Variants in UNC5D observed in about 807,000 individuals in gnomAD.
UNC5D encodes the protein unc-5 netrin receptor D.
UNC5D carries 39 observed loss-of-function variants against 105.4 expected under a neutral mutation model. That is an observed-to-expected ratio of 0.37 (90% CI 0.29 to 0.48). The LOEUF is 0.48. Among genes scored for constraint, UNC5D ranks in the 20% least tolerant of loss-of-function variants. The probability of loss-of-function intolerance (pLI) is 0.98; values close to 1 mark genes in which losing one functional copy is unlikely to be tolerated. For missense variants in UNC5D, 991 were observed against 1,202.4 expected (o/e 0.82, Z 2.60); for synonymous variants, 452 against 450.4 (o/e 1.00, Z -0.04).
rs62651827 is a variant in UNC5D, at chr8:35,248,330, A to G, written c.103+12443A>G. On this transcript the variant is annotated intron_variant, in intron 1 of 16. Coordinates refer to ENST00000404895, the MANE Select transcript of UNC5D (RefSeq NM_080872.4). ...TAATATATAAATATATGTTATATAA[A>G]ATATATAATATATAAATATATGTTA... is the stretch of plus-strand genomic sequence containing the variant. Among the ~76,000 whole-genome samples the G allele has an allele frequency of 4.7e-3, 206 of 44,010 alleles. 55 individuals carry two copies. Among genetic ancestry groups the G allele is most frequent in the Middle Eastern group, 0.1 (2 of 20 alleles). The allele number at this position is 44,010 out of a possible 152,430, so 28.9% of individuals were successfully genotyped here. A position where few individuals can be genotyped will look rare whatever the true frequency, so the allele number is the denominator to read the frequency against.
intron 15 of UNC5D, among the ~76,000 whole-genome samples, chr8:35,772,726 G>T (rs1268164872): frequency 1.3e-5 from 2 of 151,556 alleles, no homozygotes; most frequent in Admixed American, 6.6e-5. Context: ...AGCATAAAAT[G>T]ACATTGATTT....
At chr8:35,692,463 G>C (rs1826473152) in intron 7 of UNC5D, among the ~76,000 whole-genome samples, 1 of 152,194 alleles carries the variant, frequency 6.6e-6, no homozygotes, top group Non-Finnish European at 1.5e-5. Context: ...CCTGGAGATA[G>C]CTCTACACAT....
At chr8:35,327,082 A>G (rs1390517387) in intron 1 of UNC5D, among the ~76,000 whole-genome samples, 7 of 152,186 alleles carry the variant, frequency 4.6e-5, no homozygotes, top group Non-Finnish European at 7.3e-5. Flanking sequence ...TATGAAATGC[A>G]AAGCACCGAG....
At chr8:35,734,497 G>T (rs913151652) in intron 11 of UNC5D, among the ~76,000 whole-genome samples, 6 of 151,944 alleles carry the variant, frequency 3.9e-5, no homozygotes, top group African/African-American at 1.5e-4. Flanking sequence ...TGCAACCTCC[G>T]CCTTCTGGGT....
intron 9 of UNC5D, 142 bp downstream of exon 9, chr8:35,722,537 G>T: frequency 9.1e-7 from 1 of 1,094,814 alleles, no homozygotes; most frequent in Non-Finnish European, 1.3e-6. Flanking sequence ...CACATGAACA[G>T]ACCGGGCTGG....
rs930057370 is a variant in UNC5D at position 35,512,567 on chromosome 8, A to T, written c.104-36725A>T. On this transcript the variant is annotated intron_variant, in intron 1 of 16. Coordinates refer to ENST00000404895, the MANE Select transcript of UNC5D (RefSeq NM_080872.4). ...TATATATATATATATATATATATAT[A>T]TATCTGAATAGATTACTAAATGGAG... Among the ~76,000 whole-genome samples, 27 of 93,174 alleles carry T rather than the reference A, an allele frequency of 2.9e-4. 4 individuals carry two copies. The highest frequency in any genetic ancestry group is 1.3e-3 in the African/African-American group (27 of 20,200). The allele number at this position is 93,174 out of a possible 152,430, so 61.1% of individuals were successfully genotyped here.
At chr8:35,416,793 A>C (rs1287240305) in intron 1 of UNC5D, among the ~76,000 whole-genome samples, 9 of 152,194 alleles carry the variant, frequency 5.9e-5, no homozygotes, top group Non-Finnish European at 1.5e-5. Context: ...CTTAATCTGA[A>C]AGGAAGCCAG....
intron 1 of UNC5D, among the ~76,000 whole-genome samples, chr8:35,247,066 A>G (rs1803151704): frequency 6.6e-6 from 1 of 152,158 alleles, no homozygotes; most frequent in Non-Finnish European, 1.5e-5. Flanking sequence ...GTCCCTGCCC[A>G]TGAATCCAGG....
intron 11 of UNC5D, among the ~76,000 whole-genome samples, chr8:35,737,249 GCTCTGTGTGTGTGTGT>G (rs1563720806): frequency 7.9e-6 from 1 of 126,888 alleles, no homozygotes; most frequent in Non-Finnish European, 1.7e-5. Flanking sequence ...GGCAAGATCT[GCTCTGTGTGTGTGTGT>G]GTGTGTGTGT....
chr8:35,595,443 GTGTGTGTGTGTC>G, intron 3 of UNC5D, 99 bp from the exon 4 acceptor site: 1 of 747,056 alleles, frequency 1.3e-6, no homozygotes, highest in Non-Finnish European at 2.3e-6. Context: ...ACTTATTTTT[GTGTGTGTGTGTC>G]TAGGTTGTGA....
rs79794041 is a variant in UNC5D at position 35,614,597 on chromosome 8, T to C, written c.570+18940T>C. ...AAAGTGAGTTTTACTAGTTAAACGC[T>C]AGTAATTAAGGACCAGTAAATGACT... is the stretch of plus-strand genomic sequence containing the variant. On this transcript the variant is annotated intron_variant, in intron 4 of 16. Coordinates refer to ENST00000404895, the MANE Select transcript of UNC5D (RefSeq NM_080872.4). Among the ~76,000 whole-genome samples, 5 of 152,164 alleles carry C rather than the reference T, an allele frequency of 3.3e-5. No individual in the cohort carries two copies. The South Asian group carries it at 1.0e-3, about 32-fold the overall frequency.
chr8:35,488,086 G>A (rs1377108786), intron 1 of UNC5D, among the ~76,000 whole-genome samples: 1 of 152,164 alleles, frequency 6.6e-6, no homozygotes, highest in Non-Finnish European at 1.5e-5. Flanking sequence ...ATGAAGATTT[G>A]GAAAATTCTC....
chr8:35,758,117 A>T (rs750656277), intron 13 of UNC5D, among the ~76,000 whole-genome samples: 1 of 152,184 alleles, frequency 6.6e-6, no homozygotes, highest in Non-Finnish European at 1.5e-5. Context: ...AACACCAAAG[A>T]GCTGGAGAAA....
intron 1 of UNC5D, among the ~76,000 whole-genome samples, chr8:35,502,249 T>TA (rs1226830372): frequency 3.3e-5 from 5 of 152,152 alleles, no homozygotes; most frequent in Admixed American, 1.3e-4. Flanking sequence ...AACAGTCCAA[T>TA]GGTGGGTGAA....
intron 3 of UNC5D, among the ~76,000 whole-genome samples, chr8:35,569,116 A>G (rs1324602597): frequency 1.3e-5 from 2 of 151,964 alleles, no homozygotes; most frequent in Admixed American, 6.6e-5. Flanking sequence ...GCTTTTCAGA[A>G]GGGTCCAATA....
At chr8:35,507,276 C>T (rs1270383754) in intron 1 of UNC5D, among the ~76,000 whole-genome samples, 2 of 151,826 alleles carry the variant, frequency 1.3e-5, no homozygotes, top group African/African-American at 2.4e-5. Context: ...AGGATGGTCT[C>T]GATTTCCTGA....
intron 4 of UNC5D, among the ~76,000 whole-genome samples, chr8:35,653,341 T>G (rs1823541575): frequency 6.6e-6 from 1 of 152,176 alleles, no homozygotes; most frequent in Admixed American, 6.5e-5. Flanking sequence ...TTTCCAACAT[T>G]TTATATATCC....
chr8:35,519,391 C>T (rs1813310938), intron 1 of UNC5D, among the ~76,000 whole-genome samples: 1 of 152,124 alleles, frequency 6.6e-6, no homozygotes, highest in Non-Finnish European at 1.5e-5. Context: ...TAGCAGGCCT[C>T]ATACATTTAT....
At chr8:35,534,672 A>T (rs899953596) in intron 1 of UNC5D, among the ~76,000 whole-genome samples, 2 of 151,990 alleles carry the variant, frequency 1.3e-5, no homozygotes, top group African/African-American at 4.8e-5. Flanking sequence ...GTACCACAGA[A>T]TAGGTCCTTC....
Sources: gnomAD v4.1 joint callset for allele counts (sites outside exome capture counted in the v4.1 genomes callset) on GRCh38, gnomAD v4.1.1 for gene constraint, MANE v1.5 for transcripts, NCBI Gene and HGNC (gene_info 2026-07-23, HGNC 2026-07-21) for gene names.